The following HMGCLL1 variants were observed in gnomAD, a reference collection of about 807,000 sequenced individuals.
HMGCLL1 encodes the protein 3-hydroxy-3-methylglutaryl-CoA lyase like 1, also known as 3-hydroxymethyl-3-methylglutaryl-CoA lyase, cytoplasmic.
In HMGCLL1, 36 loss-of-function variants were observed where a neutral mutation model predicts 39.1. The observed-to-expected ratio is 0.92, with a 90% CI of 0.71 to 1.22. The LOEUF (loss-of-function observed/expected upper bound fraction) is 1.22, where lower values mean the gene tolerates loss of function less well. Ranked by LOEUF, HMGCLL1 falls within the 50% of genes most tolerant of loss-of-function variation. The probability of loss-of-function intolerance (pLI) is 0.00; values close to 1 mark genes in which losing one functional copy is unlikely to be tolerated. For missense variants in HMGCLL1, 451 were observed against 416.5 expected (o/e 1.08, Z -0.72); for synonymous variants, 149 against 144.0 (o/e 1.03, Z -0.25).
At chr6:55,677,631 A>G in the HMGCLL1 span, among the ~76,000 whole-genome samples, 1 of 152,194 alleles carries the variant, frequency 6.6e-6, no homozygotes, top group African/African-American at 2.4e-5. Flanking sequence ...AATTTGTCAG[A>G]GAATATTATA....
chr6:55,541,825 AG>A lies in HMGCLL1; in HGVS notation c.200del (p.Pro67LeufsTer4). On this transcript the variant is annotated frameshift_variant, in exon 3 of 9. Transcript: ENST00000274901. LOFTEE classifies it high-confidence loss of function. Reference sequence around the variant, plus strand: ...TGATAAATTCAATTTTTATATCTGTAGGAACTATAACCTATGAAAACAAAAA... The same window carrying A: ...TGATAAATTCAATTTTTATATCTGTAGAACTATAACCTATGAAAACAAAAA... ...DGLQNEKVIV[P>X]TDIKIEFINR... 1 of 1,585,524 alleles carries A rather than the reference AG, an allele frequency of 6.3e-7. No homozygotes were observed. The highest frequency in any genetic ancestry group is 8.6e-7 in the Non-Finnish European group (1 of 1,157,422).
chr6:55,589,714 CAAAATCAATGTGCA>C, the HMGCLL1 span, among the ~76,000 whole-genome samples: 941 of 152,242 alleles, frequency 6.2e-3, 2 homozygotes, highest in Middle Eastern at 0.017. Context: ...TCTCAGGATA[CAAAATCAATGTGCA>C]AAAATCACAA....
At chr6:55,562,952 A>G (rs1771022540) in intron 1 of HMGCLL1, among the ~76,000 whole-genome samples, 1 of 152,010 alleles carries the variant, frequency 6.6e-6, no homozygotes, top group African/African-American at 2.4e-5. Flanking sequence ...TTGATATACT[A>G]CCATTTACCC....
chr6:55,547,330 G>A (rs977580241), intron 1 of HMGCLL1, among the ~76,000 whole-genome samples: 10 of 151,974 alleles, frequency 6.6e-5, no homozygotes, highest in African/African-American at 2.4e-4. Flanking sequence ...GCCAGCGTGT[G>A]TATGCTTGTG....
At chr6:55,612,988 G>T in the HMGCLL1 span, among the ~76,000 whole-genome samples, 1 of 152,198 alleles carries the variant, frequency 6.6e-6, no homozygotes, top group Non-Finnish European at 1.5e-5. Flanking sequence ...CACAGCAAAA[G>T]AAACTACCAT....
intron 5 of HMGCLL1, chr6:55,512,284 T>C (rs1192900529): frequency 6.6e-6 from 1 of 152,108 alleles, no homozygotes; most frequent in Non-Finnish European, 1.5e-5. Flanking sequence ...GAGAATTACT[T>C]TAAAGCTTAT....
At chr6:55,627,573 G>T in the HMGCLL1 span, among the ~76,000 whole-genome samples, 17 of 151,806 alleles carry the variant, frequency 1.1e-4, no homozygotes, top group African/African-American at 3.9e-4. Context: ...GTGTGTCTGC[G>T]TGGGTGTTGC....
chr6:55,605,696 T>C, the HMGCLL1 span, among the ~76,000 whole-genome samples: 2 of 152,172 alleles, frequency 1.3e-5, no homozygotes, highest in Non-Finnish European at 2.9e-5. Context: ...GCAAATATTC[T>C]AAGATTGATG....
At chr6:55,583,268 A>T (rs560646001), upstream of HMGCLL1, among the ~76,000 whole-genome samples, 87 of 152,102 alleles carry the variant, frequency 5.7e-4, no homozygotes, top group Middle Eastern at 3.4e-3. Context: ...ATATGTATAC[A>T]TGTGCCATGC....
chr6:55,452,214 C>T (rs1764128452), intron 7 of HMGCLL1, among the ~76,000 whole-genome samples: 1 of 152,144 alleles, frequency 6.6e-6, no homozygotes, highest in African/African-American at 2.4e-5. Context: ...GGAAGTGCCT[C>T]TCATAAAGAA....
the HMGCLL1 span, among the ~76,000 whole-genome samples, chr6:55,649,568 G>T: frequency 7.6e-3 from 1,151 of 151,684 alleles, 14 homozygotes; most frequent in African/African-American, 0.026. Context: ...GTCTCCTTTG[G>T]GTTAAATCTT....
intron 7 of HMGCLL1, among the ~76,000 whole-genome samples, chr6:55,463,056 A>T: frequency 7.5e-6 from 1 of 133,418 alleles, no homozygotes. Context: ...TCTGAGATGG[A>T]GTCTTGCTCT....
chr6:55,589,442 T>A, the HMGCLL1 span, among the ~76,000 whole-genome samples: 1 of 152,174 alleles, frequency 6.6e-6, no homozygotes, highest in African/African-American at 2.4e-5. Context: ...CCACAGCCAG[T>A]ATCATACTGA....
the HMGCLL1 span, among the ~76,000 whole-genome samples, chr6:55,615,763 A>G: frequency 6.6e-6 from 1 of 152,110 alleles, no homozygotes; most frequent in East Asian, 1.9e-4. Flanking sequence ...TCTGCTGTCT[A>G]CATAATGAGA....
chr6:55,526,301 T>C (rs1030276594), intron 3 of HMGCLL1, among the ~76,000 whole-genome samples: 2 of 152,006 alleles, frequency 1.3e-5, no homozygotes, highest in Non-Finnish European at 2.9e-5. Flanking sequence ...CTTTTTTATC[T>C]AGTTAATTGA....
the HMGCLL1 span, among the ~76,000 whole-genome samples, chr6:55,606,969 A>C: frequency 2.6e-5 from 4 of 152,160 alleles, no homozygotes; most frequent in Admixed American, 2.6e-4. Flanking sequence ...ATTTTAACCC[A>C]TAGAGATGCA....
the HMGCLL1 span, among the ~76,000 whole-genome samples, chr6:55,618,748 G>A: frequency 6.6e-6 from 1 of 152,018 alleles, no homozygotes; most frequent in Non-Finnish European, 1.5e-5. Flanking sequence ...TACATTATTA[G>A]CAATTTTGTT....
chr6:55,647,769 ATTTTT>A, the HMGCLL1 span, among the ~76,000 whole-genome samples: 2 of 74,686 alleles, frequency 2.7e-5, no homozygotes, highest in African/African-American at 5.5e-5. Context: ...ATTTTATTTT[ATTTTT>A]TTTTTTTATT....
the HMGCLL1 span, among the ~76,000 whole-genome samples, chr6:55,637,522 G>A: frequency 6.6e-6 from 1 of 151,992 alleles, no homozygotes; most frequent in East Asian, 1.9e-4. Flanking sequence ...CTTTTGACTT[G>A]GCTTGATTTG....
Sources: gnomAD v4.1 joint callset for allele counts (sites outside exome capture counted in the v4.1 genomes callset) on GRCh38, gnomAD v4.1.1 for gene constraint, MANE v1.5 for transcripts, NCBI Gene and HGNC (gene_info 2026-07-23, HGNC 2026-07-21) for gene names.